Variants in PCDHA10 observed in about 807,000 individuals in gnomAD.
The protein encoded by PCDHA10 is protocadherin alpha 10.
Under a neutral mutation model 61.2 loss-of-function variants are expected in PCDHA10, and 45 were observed. The observed-to-expected ratio is 0.74, with a 90% CI of 0.58 to 0.94. The LOEUF (loss-of-function observed/expected upper bound fraction) is 0.94. PCDHA10 is among the 40% of genes least tolerant of loss of function. PCDHA10 has a pLI of 0.00. For missense variants in PCDHA10, 1,278 were observed against 1,236.2 expected (o/e 1.03, Z -0.51); for synonymous variants, 602 against 548.8 (o/e 1.10, Z -1.35).
In PCDHA10 at chr5:140,871,231, C is replaced by A. The variant is rs371096811; in HGVS notation, c.2388+12795C>A. The A allele has an allele frequency of 1.9e-6, 3 of 1,613,814 alleles. No individual in the cohort carries two copies. The African/African-American group carries it at 4.0e-5, about 22-fold the overall frequency. On this transcript the variant is annotated intron_variant, in intron 1 of 3. Coordinates refer to ENST00000307360, the MANE Select transcript of PCDHA10 (RefSeq NM_018901.4). ...CGCCATCTGCGTGGTGTCCAGCCTC[C>A]TGGTACTCACGCTGCTGCTGTATAC...
intron 1 of PCDHA10, chr5:140,967,668 C>T (rs1554229751): frequency 1.2e-6 from 2 of 1,614,108 alleles, no homozygotes; most frequent in Non-Finnish European, 8.5e-7. Flanking sequence ...AGCTACACGT[C>T]GGACCGGGAG....
At position 140,966,710 on chromosome 5, in the gene PCDHA10, G is replaced by T. The variant is rs552888876; in HGVS notation, c.2389-12239G>T. The T allele has an allele frequency of 2.9e-6, 4 of 1,391,664 alleles. No individual in the cohort carries two copies. In the South Asian group the frequency reaches 6.5e-5, roughly 23 times the overall value. The allele number at this position is 1,391,664 out of a possible 1,614,324, so 86.2% of individuals were successfully genotyped here. A position where few individuals can be genotyped will look rare whatever the true frequency, so the allele number is the denominator to read the frequency against. On this transcript the variant is annotated intron_variant, in intron 1 of 3. Transcript: ENST00000307360. ...AGGCGGGGCCCGGGCGTGGGGCACG[G>T]CTGGGGAAGCTGCCGCCTCCGGCCC...
intron 1 of PCDHA10, among the ~76,000 whole-genome samples, chr5:140,879,906 T>C (rs993531346): frequency 6.6e-6 from 1 of 152,214 alleles, no homozygotes; most frequent in Admixed American, 6.5e-5. Context: ...TCTCTCTCTA[T>C]GTGTTGGTTT....
intron 1 of PCDHA10, chr5:140,927,896 A>T: frequency 1.2e-6 from 2 of 1,614,200 alleles, no homozygotes; most frequent in Non-Finnish European, 1.7e-6. Flanking sequence ...GACGTGAACG[A>T]TCATGCCCCC....
intron 1 of PCDHA10, chr5:140,860,372 C>A (rs1315450697): frequency 1.3e-5 from 2 of 151,984 alleles, no homozygotes; most frequent in Non-Finnish European, 2.9e-5. Flanking sequence ...CAAAGTGAGA[C>A]CCTATTTCAA....
In PCDHA10 at chr5:140,857,254, T is replaced by C. The variant is rs2044453142; in HGVS notation, c.1206T>C (p.Asn402=). 2 of 1,598,512 alleles carry C rather than the reference T, an allele frequency of 1.3e-6. No individual in the cohort carries two copies. The highest frequency in any genetic ancestry group is 4.5e-5 in the East Asian group (2 of 44,840). ...TCAAGCTGGTGTCCACCTACAAGAA[T>C]TACTACTCATTGGTGCTGGACAGCG... ...VPFKLVSTYK[N]YYSLVLDSAL... The change falls in exon 1 of 4, where the codon AAT becomes AAC. Residue 402 remains asparagine (N), a synonymous_variant. Coordinates refer to ENST00000307360, the MANE Select transcript of PCDHA10 (RefSeq NM_018901.4).
chr5:140,884,012 C>T, intron 1 of PCDHA10: 1 of 1,613,134 alleles, frequency 6.2e-7, no homozygotes, highest in Non-Finnish European at 8.5e-7. Context: ...CGAGCTGATG[C>T]CGCGGTCGGT....
intron 1 of PCDHA10, among the ~76,000 whole-genome samples, chr5:140,873,864 T>C (rs1275090016): frequency 6.6e-6 from 1 of 152,210 alleles, no homozygotes; most frequent in African/African-American, 2.4e-5. Context: ...TTTCACCATG[T>C]TGGCCAGGCT....
intron 1 of PCDHA10, chr5:140,926,980 A>C: frequency 3.1e-6 from 5 of 1,610,364 alleles, no homozygotes; most frequent in Non-Finnish European, 4.2e-6. Flanking sequence ...GCCGGAGGAG[A>C]CGGAGCGGGG....
intron 1 of PCDHA10, chr5:140,969,456 A>G (rs963968770): frequency 4.0e-6 from 6 of 1,508,992 alleles, no homozygotes; most frequent in Admixed American, 2.2e-5. Flanking sequence ...CTGAGTATAT[A>G]TAGTATCCAC....
chr5:140,984,981 A>G (rs2097130201), intron 3 of PCDHA10, among the ~76,000 whole-genome samples: 1 of 151,972 alleles, frequency 6.6e-6, no homozygotes, highest in South Asian at 2.1e-4. Flanking sequence ...TCTGTCCCCC[A>G]GGCTGGAGTC....
At chr5:140,875,501 G>A (rs1457273881) in intron 1 of PCDHA10, 2 of 1,613,368 alleles carry the variant, frequency 1.2e-6, no homozygotes, top group Non-Finnish European at 1.7e-6. Context: ...AGAGGCCCGG[G>A]ATCCCAGCGT....
intron 1 of PCDHA10, among the ~76,000 whole-genome samples, chr5:140,902,712 C>T (rs1207971068): frequency 6.6e-6 from 1 of 152,008 alleles, no homozygotes; most frequent in African/African-American, 2.4e-5. Flanking sequence ...CTTTCACTCC[C>T]CTCCCACCCT....
At chr5:140,878,899 G>T (rs1301967468) in intron 1 of PCDHA10, among the ~76,000 whole-genome samples, 2 of 152,152 alleles carry the variant, frequency 1.3e-5, no homozygotes, top group Non-Finnish European at 2.9e-5. Context: ...CTACAGGCAG[G>T]CTCCACCACT....
At chr5:140,882,344 A>T in intron 1 of PCDHA10, 2 of 1,614,084 alleles carry the variant, frequency 1.2e-6, no homozygotes, top group Admixed American at 3.3e-5. Flanking sequence ...AGCCTGGGAG[A>T]CGGGTAGTGG....
chr5:140,870,678 G>A (rs1304914174), intron 1 of PCDHA10: 3 of 1,612,744 alleles, frequency 1.9e-6, no homozygotes, highest in Non-Finnish European at 2.5e-6. Context: ...TGGACCACGA[G>A]GAGCTGGAGC....
In PCDHA10 at chr5:140,969,317, G is replaced by T. The variant is rs1554231675; in HGVS notation, c.2389-9632G>T. 3 of 1,614,156 alleles carry T rather than the reference G, an allele frequency of 1.9e-6. No homozygotes were observed. The East Asian group carries it at 6.7e-5, about 36-fold the overall frequency. ...CCTGATTATTCTCAAAAATGAGGCT[G>T]TTTCTCAAAATGAGGTGAGACAGTG... is the stretch of plus-strand genomic sequence containing the variant. On this transcript the variant is annotated intron_variant, in intron 1 of 3. Transcript: ENST00000307360.
At chr5:140,882,491 C>T (rs782462724) in intron 1 of PCDHA10, 1 of 1,614,078 alleles carries the variant, frequency 6.2e-7, no homozygotes, top group South Asian at 1.1e-5. Flanking sequence ...CGGGGACCTT[C>T]TGGAGGTAAA....
chr5:140,910,257 A>G (rs1428252762), intron 1 of PCDHA10, among the ~76,000 whole-genome samples: 1 of 152,202 alleles, frequency 6.6e-6, no homozygotes, highest in East Asian at 1.9e-4. Flanking sequence ...TAGGCTTCCT[A>G]TCATTTTCAC....
Sources: gnomAD v4.1 joint callset for allele counts (sites outside exome capture counted in the v4.1 genomes callset) on GRCh38, gnomAD v4.1.1 for gene constraint, MANE v1.5 for transcripts, NCBI Gene and HGNC (gene_info 2026-07-23, HGNC 2026-07-21) for gene names.